The following COPG1 variants were observed in gnomAD, a reference collection of about 807,000 sequenced individuals.
COPG1 encodes coat protein complex I subunit gamma 1.
COPG1 carries 29 observed loss-of-function variants against 102.8 expected under a neutral mutation model. The observed-to-expected ratio is 0.28, with a 90% CI of 0.21 to 0.38. The LOEUF (loss-of-function observed/expected upper bound fraction) is 0.38, where lower values mean the gene tolerates loss of function less well. Among genes scored for constraint, COPG1 ranks in the 10% least tolerant of loss-of-function variants. The pLI, the probability that COPG1 is intolerant of heterozygous loss-of-function variation, is 1.00. For missense variants in COPG1, 875 were observed against 1,132.7 expected, an observed-to-expected ratio of 0.77 and a Z score of 3.27; for synonymous variants, 406 against 421.6, an observed-to-expected ratio of 0.96 and a Z score of 0.45.
chr3:129,267,796 C>T, intron 15 of COPG1, 141 bp from the exon 16 acceptor site: 4 of 638,288 alleles, frequency 6.3e-6, no homozygotes, highest in South Asian at 1.8e-5. Context: ...GTGGCCTCTC[C>T]TCACTCCCTC....
chr3:129,249,768 C>T (rs1246376919), intron 1 of COPG1, 22 bp downstream of exon 1: 3 of 1,548,514 alleles, frequency 1.9e-6, no homozygotes, highest in South Asian at 2.4e-5. Flanking sequence ...AGGCCTGGGT[C>T]TGAGGGAGGC....
chr3:129,268,855 T>C, intron 17 of COPG1, 77 bp from the exon 18 acceptor site: 1 of 1,357,754 alleles, frequency 7.4e-7, no homozygotes, highest in East Asian at 2.3e-5. Flanking sequence ...AATCCCTGAG[T>C]AATAGCACTG....
chr3:129,253,650 C>T (rs534979911), intron 5 of COPG1, among the ~76,000 whole-genome samples: 1 of 152,262 alleles, frequency 6.6e-6, no homozygotes, highest in South Asian at 2.1e-4. Context: ...AAAGTCCTCC[C>T]AGAGGAATGA....
chr3:129,253,582 G>A (rs1272167693), intron 5 of COPG1, among the ~76,000 whole-genome samples: 2 of 152,188 alleles, frequency 1.3e-5, no homozygotes, highest in Non-Finnish European at 2.9e-5. Flanking sequence ...GTTTATCACG[G>A]AAGTATTATG....
At chr3:129,268,834 T>G in intron 17 of COPG1, 98 bp from the exon 18 acceptor site, 1 of 1,219,376 alleles carries the variant, frequency 8.2e-7, no homozygotes, top group Non-Finnish European at 1.2e-6. Flanking sequence ...CTCAGGAGGG[T>G]TAGTATTTAT....
At chr3:129,254,794 G>T in intron 6 of COPG1, 51 bp downstream of exon 6, 1 of 1,517,922 alleles carries the variant, frequency 6.6e-7, no homozygotes, top group South Asian at 1.1e-5. Flanking sequence ...TTGAGGCCTC[G>T]GCATCATCTT....
intron 10 of COPG1, among the ~76,000 whole-genome samples, chr3:129,258,707 C>T (rs1044169215): frequency 1.3e-5 from 2 of 152,196 alleles, no homozygotes; most frequent in African/African-American, 2.4e-5. Context: ...CCGCCCGCCT[C>T]GGCCTCCCAA....
At position 129,252,623 on chromosome 3, in the gene COPG1, G is replaced by A. The variant is rs535955599; in HGVS notation, c.172G>A (p.Gly58Arg). ...LTKILYLINQ[G>R]EHLGTTEATE... is the part of the protein sequence containing the mutation. ...GAGACTTCTTTCTTGATTAACACAGGGGGAGCACCTGGGGACCACGGAAGC... is the reference window on the plus strand; with the variant it reads ...GAGACTTCTTTCTTGATTAACACAGAGGGAGCACCTGGGGACCACGGAAGC... The change falls in exon 4 of 24, where the codon GGG (glycine) becomes AGG (arginine). Residue 58 changes from glycine (G) to arginine (R), a missense_variant and splice_region_variant. By Grantham distance (125) the Gly-to-Arg change is moderately radical (BLOSUM62 -2). Coordinates refer to ENST00000314797, the MANE Select transcript of COPG1 (RefSeq NM_016128.4). The A allele has an allele frequency of 1.9e-6, 3 of 1,613,598 alleles. No individual in the cohort carries two copies. The highest frequency in any genetic ancestry group is 2.5e-6 in the Non-Finnish European group (3 of 1,179,552).
intron 7 of COPG1, 40 bp downstream of exon 7, chr3:129,255,117 G>C: frequency 7.9e-7 from 1 of 1,259,226 alleles, no homozygotes. Context: ...GGGTGGGGTA[G>C]AAAATTGAAG....
chr3:129,266,412 C>G (rs1940061939), intron 14 of COPG1, among the ~76,000 whole-genome samples: 1 of 152,138 alleles, frequency 6.6e-6, no homozygotes. Flanking sequence ...TACAGAGCCA[C>G]TGTGCCTTGC....
rs554006264 is a variant in COPG1, at chr3:129,269,407, A to G, written c.1843+407A>G. 6.6e-5 allele frequency among the ~76,000 whole-genome samples: 10 copies of G among 152,252 alleles called. No individual in the cohort carries two copies. The East Asian group carries it at 1.9e-3, about 29-fold the overall frequency. On this transcript the variant is annotated intron_variant, in intron 18 of 23. Coordinates refer to ENST00000314797, the MANE Select transcript of COPG1 (RefSeq NM_016128.4). ...CTTGTAAGGTTTTCTTCAGGTATCCATCTGTCCTCTGGTGTTGCATTTTTA... is the reference window on the plus strand; with the variant it reads ...CTTGTAAGGTTTTCTTCAGGTATCCGTCTGTCCTCTGGTGTTGCATTTTTA...
At chr3:129,263,575 C>T (rs111510605) in intron 12 of COPG1, among the ~76,000 whole-genome samples, 76 of 152,142 alleles carry the variant, frequency 5.0e-4, no homozygotes, top group East Asian at 2.9e-3. Context: ...TGGGTGGGAA[C>T]CATCAGTGGG....
rs1448763391 is a variant in COPG1, at chr3:129,274,898, G to A, written c.2317G>A (p.Glu773Lys). 21 of 1,614,036 alleles carry A rather than the reference G, an allele frequency of 1.3e-5. No individual in the cohort carries two copies. The highest frequency in any genetic ancestry group is 1.6e-5 in the Non-Finnish European group (19 of 1,180,008). Residue 773 changes from glutamate (E) to lysine (K), a missense_variant, in exon 22 of 24, where the codon GAA becomes AAA. Transcript: ENST00000314797. ...HIQKVMKLNFEAAWDEVGDEF... is the reference protein window; with the variant it reads ...HIQKVMKLNFKAAWDEVGDEF... ...TCAAAAGGTCATGAAACTGAACTTC[G>A]AAGCAGCCTGGGATGAGGTAGGGGA... is the stretch of plus-strand genomic sequence containing the variant.
rs1475302574 is a variant in COPG1, at chr3:129,249,627, C to T, written c.-83C>T. On this transcript the variant is annotated 5_prime_UTR_variant, in exon 1 of 24. Coordinates refer to ENST00000314797, the MANE Select transcript of COPG1 (RefSeq NM_016128.4). ...GGCCAGTCGGGGCCCGGAAGTGGTC[C>T]CTGTAGAACCACTGTGGCACCGCTA... is the stretch of plus-strand genomic sequence containing the variant. 6.7e-6 allele frequency: 10 copies of T among 1,483,708 alleles called. No homozygotes were observed. The highest frequency in any genetic ancestry group is 2.5e-5 in the East Asian group (1 of 40,118). 91.9% of individuals were successfully genotyped at this position (1,483,708 alleles called of 1,614,324 possible). A position where few individuals can be genotyped will look rare whatever the true frequency, so the allele number is the denominator to read the frequency against.
chr3:129,257,345 C>T (rs1939830034), intron 8 of COPG1, 125 bp from the exon 9 acceptor site: 1 of 974,534 alleles, frequency 1.0e-6, no homozygotes, highest in Non-Finnish European at 1.6e-6. Context: ...CACAGCCACT[C>T]TGTGTGGTAG....
At chr3:129,255,555 T>C (rs1163744938) in intron 7 of COPG1, among the ~76,000 whole-genome samples, 2 of 151,146 alleles carry the variant, frequency 1.3e-5, no homozygotes, top group Non-Finnish European at 2.9e-5. Context: ...CGATTTCAGC[T>C]CACTGCAACC....
At chr3:129,269,925 C>T (rs531413133) in intron 18 of COPG1, among the ~76,000 whole-genome samples, 92 of 151,322 alleles carry the variant, frequency 6.1e-4, no homozygotes, top group African/African-American at 2.2e-3. Context: ...GGTATTGCCC[C>T]CTTGCCTTTT....
chr3:129,261,535 G>A (rs1939925701), intron 12 of COPG1, among the ~76,000 whole-genome samples: 1 of 152,278 alleles, frequency 6.6e-6, no homozygotes, highest in Non-Finnish European at 1.5e-5. Context: ...GGAAGGATGT[G>A]AATATTTTTT....
intron 2 of COPG1, 178 bp downstream of exon 2, chr3:129,250,912 C>CT (rs10706690): frequency 0.026 from 5,305 of 200,582 alleles, 12 homozygotes; most frequent in South Asian, 0.035. Context: ...ATGCTTACTT[C>CT]TTTTTTTTTT....
Sources: allele counts gnomAD v4.1 joint callset (sites outside exome capture counted in the v4.1 genomes callset), GRCh38; gene constraint gnomAD v4.1.1; transcripts MANE v1.5; gene names NCBI Gene and HGNC (gene_info 2026-07-23, HGNC 2026-07-21).